Variants in AMZ1 observed in about 807,000 individuals in gnomAD.
The protein encoded by AMZ1 is archaelysin family metallopeptidase 1, also known as archaemetzincin-1.
AMZ1 carries 39 observed loss-of-function variants against 29.9 expected under a neutral mutation model. The ratio of observed to expected loss-of-function variants is 1.30; its 90% confidence interval spans 1.01 to 1.70. The LOEUF (loss-of-function observed/expected upper bound fraction) is 1.70, where lower values mean the gene tolerates loss of function less well. Ranked by LOEUF, AMZ1 falls within the 40% of genes most tolerant of loss-of-function variation. The pLI is 0.00. For missense variants in AMZ1, 1,041 were observed against 680.6 expected, an observed-to-expected ratio of 1.53 and a Z score of -5.89; for synonymous variants, 458 against 304.0, an observed-to-expected ratio of 1.51 and a Z score of -5.27.
intron 4 of AMZ1, among the ~76,000 whole-genome samples, chr7:2,757,129 C>CTT (rs71026549): frequency 4.3e-3 from 405 of 93,884 alleles, no homozygotes; most frequent in East Asian, 5.3e-3. Flanking sequence ...TCAGGTGGGC[C>CTT]TTTTTTTTTT....
rs537725858 is a variant in AMZ1 at position 2,701,181 on chromosome 7, A to G, written c.304+426A>G. On this transcript the variant is annotated intron_variant, in intron 2 of 6. Coordinates refer to ENST00000683327, the MANE Select transcript of AMZ1 (RefSeq NM_001384743.1). ...GGGAGACAGAGGTTGCAGTGAGCTGAGATCATGCCACTGCATTCCAGCCTG... is the reference window on the plus strand; with the variant it reads ...GGGAGACAGAGGTTGCAGTGAGCTGGGATCATGCCACTGCATTCCAGCCTG... 4.6e-5 allele frequency among the ~76,000 whole-genome samples: 7 copies of G among 152,232 alleles called. No individual in the cohort carries two copies. In the East Asian group the frequency reaches 5.8e-4, roughly 13 times the overall value.
intron 4 of AMZ1, among the ~76,000 whole-genome samples, chr7:2,735,097 G>A (rs578087140): frequency 1.1e-3 from 147 of 130,838 alleles, no homozygotes; most frequent in Admixed American, 3.1e-3. Context: ...GCTGGGAGAA[G>A]CCGTTGGGTG....
chr7:2,761,101 C>T (rs148524404), upstream of AMZ1, among the ~76,000 whole-genome samples: 709 of 152,356 alleles, frequency 4.7e-3, 2 homozygotes, highest in Non-Finnish European at 8.3e-3. Context: ...ATTTCCTACA[C>T]GTCTGGCTCT....
upstream of AMZ1, chr7:2,762,673 T>G (rs1791618517): frequency 1.9e-6 from 3 of 1,595,914 alleles, no homozygotes; most frequent in African/African-American, 1.3e-5. Flanking sequence ...GATAAATCAT[T>G]TGGAAAGAAA....
chr7:2,712,799 C>A lies in AMZ1; in HGVS notation c.1418C>A (p.Ser473Tyr), dbSNP rs773580561. Residue 473 changes from serine (S) to tyrosine (Y), a missense_variant, in exon 7 of 7, where the codon TCC becomes TAC. Coordinates refer to ENST00000683327, the MANE Select transcript of AMZ1 (RefSeq NM_001384743.1). ...LRKVLGDKFS[S>Y]LRRKLSARKL... ...AAGGTGCTGGGGGACAAGTTCTCCT[C>A]CCTGAGGAGGAAGCTGAGTGCCCGA... is the stretch of plus-strand genomic sequence containing the variant. 1.0e-5 allele frequency: 16 copies of A among 1,549,494 alleles called. No homozygotes were observed. The highest frequency in any genetic ancestry group is 1.3e-5 in the Non-Finnish European group (15 of 1,146,696).
chr7:2,709,653 A>G lies in AMZ1; in HGVS notation c.785A>G (p.Glu262Gly), dbSNP rs1055832542. 1.9e-6 allele frequency: 3 copies of G among 1,609,024 alleles called. No individual in the cohort carries two copies. In the African/African-American group the frequency reaches 4.0e-5, roughly 22 times the overall value. ...CCTTCCCCCCAGGTCACGTGCCACG[A>G]GCTCTGCCACCTTCTGGGCCTGGGG... is the stretch of plus-strand genomic sequence containing the variant. Reference protein sequence around the residue: ...MVQCCKVTCHELCHLLGLGNC... With the variant: ...MVQCCKVTCHGLCHLLGLGNC... Residue 262 changes from glutamate to glycine, a missense_variant, in exon 6 of 7, where the codon GAG becomes GGG. Physicochemically the swap from Glu to Gly is moderately conservative, Grantham distance 98. Coordinates refer to ENST00000683327, the MANE Select transcript of AMZ1 (RefSeq NM_001384743.1).
chr7:2,750,723 GACAC>G (rs1484424921), intron 4 of AMZ1, among the ~76,000 whole-genome samples: 2 of 152,254 alleles, frequency 1.3e-5, no homozygotes, highest in African/African-American at 4.8e-5. Context: ...CATGTTAACA[GACAC>G]ACACACAGTG....
Position 2,716,633 on chromosome 7 carries a change from A to G in AMZ1, c.*3755A>G, listed in dbSNP as rs1341019256. On this transcript the variant is annotated 3_prime_UTR_variant, in exon 7 of 7. Coordinates refer to ENST00000683327, the MANE Select transcript of AMZ1 (RefSeq NM_001384743.1). Reference sequence around the variant, plus strand: ...ACCTACACGCAGAGGGTCTCCATACAGTGCCAAGGGAGCTGCTCTGCAGAC... The same window carrying G: ...ACCTACACGCAGAGGGTCTCCATACGGTGCCAAGGGAGCTGCTCTGCAGAC... The G allele has an allele frequency of 1.3e-5, 2 of 152,234 alleles. No homozygotes were observed. Among genetic ancestry groups the G allele is most frequent in the African/African-American group, 2.4e-5 (1 of 41,442 alleles). The allele number at this position is 152,234 out of a possible 1,614,324, so 9.4% of individuals were successfully genotyped here. A position where few individuals can be genotyped will look rare whatever the true frequency, so the allele number is the denominator to read the frequency against.
chr7:2,727,400 T>TG (rs895546234), intron 4 of AMZ1, among the ~76,000 whole-genome samples: 2 of 152,080 alleles, frequency 1.3e-5, no homozygotes, highest in African/African-American at 4.8e-5. Context: ...ATTTTTAAGA[T>TG]GGGGTCTTTG....
chr7:2,708,583 CGCAGA>C lies in AMZ1; in HGVS notation c.473-4_473del, dbSNP rs1788515807. 8.7e-6 allele frequency: 14 copies of C among 1,611,988 alleles called. No individual in the cohort carries two copies. The highest frequency in any genetic ancestry group is 1.3e-5 in the African/African-American group (1 of 74,904). Reference sequence around the variant, plus strand: ...TGACCCCATCCTCTGGCCCTCTCCCCGCAGACGGCATCCTGTCCTTCTTGAAGAAC... The same window carrying C: ...TGACCCCATCCTCTGGCCCTCTCCCCCGGCATCCTGTCCTTCTTGAAGAAC... On this transcript the variant is annotated splice_acceptor_variant and splice_polypyrimidine_tract_variant and coding_sequence_variant and intron_variant, in exon 4 of 7. Transcript: ENST00000683327. LOFTEE classifies it high-confidence loss of function.
In AMZ1 at chr7:2,718,031, G is replaced by C. The variant is rs923357370; in HGVS notation, c.*5153G>C. ...CCACAATGGCCCTCAGAGGGTCCGC[G>C]GCAGCCAGGCCCGTCCAACCTCCTG... is the stretch of plus-strand genomic sequence containing the variant. On this transcript the variant is annotated 3_prime_UTR_variant, in exon 7 of 7. Transcript: ENST00000683327. Among the ~76,000 whole-genome samples, 1 of 152,184 alleles carries C rather than the reference G, an allele frequency of 6.6e-6. No individual in the cohort carries two copies. The highest frequency in any genetic ancestry group is 1.5e-5 in the Non-Finnish European group (1 of 68,030).
At chr7:2,693,313 C>T (rs1787516636) in intron 1 of AMZ1, among the ~76,000 whole-genome samples, 1 of 151,938 alleles carries the variant, frequency 6.6e-6, no homozygotes. Context: ...GTCTTGAACT[C>T]CTGACCTCAG....
chr7:2,762,651 G>A (rs1406242039), upstream of AMZ1: 2 of 1,599,184 alleles, frequency 1.3e-6, no homozygotes, highest in Non-Finnish European at 1.7e-6. Context: ...CAGAGCGGCA[G>A]GACGATGAGA....
intron 1 of AMZ1, among the ~76,000 whole-genome samples, chr7:2,693,500 C>T (rs1316042868): frequency 1.3e-5 from 2 of 152,152 alleles, no homozygotes; most frequent in Non-Finnish European, 2.9e-5. Flanking sequence ...CGACCTCAGC[C>T]TCTCGAGTAA....
intron 3 of AMZ1, among the ~76,000 whole-genome samples, chr7:2,708,078 C>T (rs979669159): frequency 4.6e-5 from 7 of 151,988 alleles, no homozygotes; most frequent in Non-Finnish European, 1.0e-4. Flanking sequence ...CCATCTTGGC[C>T]TCCCGAGTTG....
At chr7:2,723,524 G>A (rs955932666), downstream of AMZ1, among the ~76,000 whole-genome samples, 3 of 152,218 alleles carry the variant, frequency 2.0e-5, no homozygotes, top group Non-Finnish European at 4.4e-5. Context: ...GCATCACCCC[G>A]AGGCTGCGGG....
At chr7:2,758,621 G>C (rs208347) in intron 4 of AMZ1, among the ~76,000 whole-genome samples, 141,242 of 152,144 alleles carry the variant, frequency 0.93, 65,673 homozygotes, top group East Asian at 1. Flanking sequence ...AGGAACCTGG[G>C]GGAACCCCTG....
In AMZ1 at chr7:2,712,763, T is replaced by C; in HGVS notation, c.1382T>C (p.Val461Ala). Residue 461 changes from valine (V) to alanine (A), a missense_variant, in exon 7 of 7, where the codon GTG becomes GCG. By Grantham distance (64) the Val-to-Ala change is moderately conservative (BLOSUM62 0). Transcript: ENST00000683327. The part of the protein sequence containing the change: ...RQDPPSSRDS[V>A]GLRKVLGDKF... ...GACCCACCCAGCAGCAGGGACAGCG[T>C]GGGGCTGCGCAAGGTGCTGGGGGAC... is the stretch of plus-strand genomic sequence containing the variant. 1 of 1,597,804 alleles carries C rather than the reference T, an allele frequency of 6.3e-7. No homozygotes were observed. Among genetic ancestry groups the C allele is most frequent in the Non-Finnish European group, 8.5e-7 (1 of 1,170,704 alleles).
At chr7:2,700,203 G>T (rs1787966594) in intron 1 of AMZ1, 31 bp from the exon 2 acceptor site, 2 of 556,002 alleles carry the variant, frequency 3.6e-6, no homozygotes, top group Non-Finnish European at 6.4e-6. Flanking sequence ...GTGCTCGGCA[G>T]TGAGGGGACC....
Sources: gnomAD v4.1 joint callset for allele counts (sites outside exome capture counted in the v4.1 genomes callset) on GRCh38, gnomAD v4.1.1 for gene constraint, MANE v1.5 for transcripts, NCBI Gene and HGNC (gene_info 2026-07-23, HGNC 2026-07-21) for gene names.